The following LRRTM4 variants were observed in gnomAD, a reference collection of about 807,000 sequenced individuals.
The protein encoded by LRRTM4 is leucine rich repeat transmembrane neuronal 4, also known as leucine-rich repeat transmembrane neuronal protein 4.
A neutral mutation model predicts 47.6 loss-of-function variants in LRRTM4; 25 were observed. The observed-to-expected ratio is 0.53, with a 90% CI of 0.38 to 0.73. The LOEUF is 0.73. LRRTM4 is among the 30% of genes least tolerant of loss of function. The pLI is 0.00. For missense variants in LRRTM4, 638 were observed against 713.4 expected (o/e 0.89, Z 1.20); for synonymous variants, 311 against 269.5 (o/e 1.15, Z -1.51).
chr2:77,278,052 T>C (rs1388492910), intron 3 of LRRTM4, among the ~76,000 whole-genome samples: 2 of 151,992 alleles, frequency 1.3e-5, no homozygotes, highest in African/African-American at 2.4e-5. Flanking sequence ...AATTACCATG[T>C]TGGAGAGATG....
At chr2:77,098,432 T>A (rs572437717) in intron 3 of LRRTM4, among the ~76,000 whole-genome samples, 1 of 152,118 alleles carries the variant, frequency 6.6e-6, no homozygotes, top group Non-Finnish European at 1.5e-5. Context: ...GGATGATTCC[T>A]GGGAAAAGGC....
chr2:76,789,712 A>G (rs555205843), intron 3 of LRRTM4, among the ~76,000 whole-genome samples: 1 of 152,286 alleles, frequency 6.6e-6, no homozygotes, highest in Non-Finnish European at 1.5e-5. Context: ...GAGGAGTGTT[A>G]ATCTGGAATA....
In LRRTM4 at chr2:77,472,228, G is replaced by A. The variant is rs150139315; in HGVS notation, c.1551+46090C>T. On this transcript the variant is annotated intron_variant, in intron 3 of 3. Transcript: ENST00000409884. The stretch of plus-strand genomic sequence containing the variant: ...GAGAGAAGACTGCAATGTACCTGAC[G>A]GAGAAAATATGTGTGTTAGGTGATC... Among the ~76,000 whole-genome samples, 276 of 152,250 alleles carry A rather than the reference G, an allele frequency of 1.8e-3. 2 individuals are homozygous for A. Among genetic ancestry groups the A allele is most frequent in the African/African-American group, 6.1e-3 (253 of 41,548 alleles).
At chr2:77,161,332 T>C (rs772396089) in intron 3 of LRRTM4, among the ~76,000 whole-genome samples, 4 of 152,160 alleles carry the variant, frequency 2.6e-5, no homozygotes, top group Non-Finnish European at 4.4e-5. Context: ...CAGGAACTGA[T>C]TCAGCCCTAA....
chr2:76,818,033 A>G (rs1313582462), intron 3 of LRRTM4, among the ~76,000 whole-genome samples: 1 of 151,918 alleles, frequency 6.6e-6, no homozygotes, highest in Non-Finnish European at 1.5e-5. Context: ...TAAAAAGTAA[A>G]GAGGATACAG....
At position 77,080,882 on chromosome 2, in the gene LRRTM4, C is replaced by T. The variant is rs958870022; in HGVS notation, c.1552-331966G>A. Among the ~76,000 whole-genome samples, 4 of 152,122 alleles carry T rather than the reference C, an allele frequency of 2.6e-5. No homozygotes were observed. In the East Asian group the frequency reaches 5.8e-4, roughly 22 times the overall value. On this transcript the variant is annotated intron_variant, in intron 3 of 3. Coordinates refer to ENST00000409884, the MANE Select transcript of LRRTM4 (RefSeq NM_001134745.3). ...TTACTTTGCTCCTGTTTCACCACCTCTGCAAAGCTCTACCATGACAGGAAA... is the reference window on the plus strand; with the variant it reads ...TTACTTTGCTCCTGTTTCACCACCTTTGCAAAGCTCTACCATGACAGGAAA...
intron 3 of LRRTM4, among the ~76,000 whole-genome samples, chr2:76,801,999 C>T (rs914391449): frequency 1.3e-5 from 2 of 151,996 alleles, no homozygotes; most frequent in African/African-American, 4.8e-5. Flanking sequence ...TATATGGCAA[C>T]CCCATTGCTA....
At chr2:76,753,167 T>C (rs1011499997) in intron 3 of LRRTM4, among the ~76,000 whole-genome samples, 1 of 152,228 alleles carries the variant, frequency 6.6e-6, no homozygotes, top group Non-Finnish European at 1.5e-5. Flanking sequence ...GGAACCATTA[T>C]GACTAATTAT....
At chr2:77,076,659 CTA>C (rs1164041221) in intron 3 of LRRTM4, among the ~76,000 whole-genome samples, 1 of 152,082 alleles carries the variant, frequency 6.6e-6, no homozygotes, top group Non-Finnish European at 1.5e-5. Context: ...CTAAATGACT[CTA>C]AAATGTTACA....
At chr2:77,058,048 C>T (rs1256948295) in intron 3 of LRRTM4, among the ~76,000 whole-genome samples, 4 of 152,080 alleles carry the variant, frequency 2.6e-5, no homozygotes, top group African/African-American at 9.7e-5. Flanking sequence ...TTAGATTTTT[C>T]ATGGGCCTCT....
At chr2:77,053,365 G>A (rs1489085007) in intron 3 of LRRTM4, among the ~76,000 whole-genome samples, 3 of 151,656 alleles carry the variant, frequency 2.0e-5, no homozygotes, top group Non-Finnish European at 4.4e-5. Flanking sequence ...AAAAAGTGGA[G>A]GAATTAAGGT....
chr2:76,814,243 T>C (rs1297200159), intron 3 of LRRTM4, among the ~76,000 whole-genome samples: 3 of 152,158 alleles, frequency 2.0e-5, no homozygotes. Flanking sequence ...TATAATAAGA[T>C]ATAAAGAAAG....
chr2:76,845,653 G>A (rs1671817008), intron 3 of LRRTM4, among the ~76,000 whole-genome samples: 1 of 152,126 alleles, frequency 6.6e-6, no homozygotes, highest in Non-Finnish European at 1.5e-5. Context: ...CTATTAAATG[G>A]AAGTACCACC....
chr2:76,897,719 C>T (rs898866405), intron 3 of LRRTM4, among the ~76,000 whole-genome samples: 1 of 152,130 alleles, frequency 6.6e-6, no homozygotes, highest in Non-Finnish European at 1.5e-5. Flanking sequence ...TGGGCTATGA[C>T]ATTTCAAATG....
At chr2:77,133,940 A>T (rs1671867056) in intron 3 of LRRTM4, among the ~76,000 whole-genome samples, 1 of 152,194 alleles carries the variant, frequency 6.6e-6, no homozygotes, top group African/African-American at 2.4e-5. Context: ...AAAAATAATA[A>T]GAAATTTTAA....
intron 3 of LRRTM4, among the ~76,000 whole-genome samples, chr2:76,849,214 T>C (rs1009759541): frequency 5.9e-5 from 9 of 152,024 alleles, no homozygotes; most frequent in African/African-American, 2.2e-4. Flanking sequence ...AAAAGAAAAG[T>C]AGGTTGAGCC....
intron 3 of LRRTM4, among the ~76,000 whole-genome samples, chr2:77,410,002 T>C (rs1674356641): frequency 6.6e-6 from 1 of 152,170 alleles, no homozygotes; most frequent in African/African-American, 2.4e-5. Context: ...CAAACCTTTA[T>C]AGAAGTCATG....
rs376302569 is a variant in LRRTM4 at position 76,792,668 on chromosome 2, C to A, written c.1552-43752G>T. Among the ~76,000 whole-genome samples the A allele has an allele frequency of 3.3e-4, 50 of 151,176 alleles. No individual in the cohort carries two copies. The East Asian group carries it at 3.9e-3, about 12-fold the overall frequency. ...CTAATGATCAATTCTCTGTTGAATA[C>A]TAGATGAAGACCCTCTTATAGACTT... On this transcript the variant is annotated intron_variant, in intron 3 of 3. Transcript: ENST00000409884.
At chr2:77,395,611 A>G (rs911129799) in intron 3 of LRRTM4, among the ~76,000 whole-genome samples, 4 of 151,928 alleles carry the variant, frequency 2.6e-5, no homozygotes, top group Non-Finnish European at 5.9e-5. Flanking sequence ...GTTCTTAATA[A>G]GTTGCTCTGA....
Sources: allele counts gnomAD v4.1 joint callset (sites outside exome capture counted in the v4.1 genomes callset), GRCh38; gene constraint gnomAD v4.1.1; transcripts MANE v1.5; gene names NCBI Gene and HGNC (gene_info 2026-07-23, HGNC 2026-07-21).